SLC19A1: variants seen among roughly 807,000 people sequenced by gnomAD.
The protein encoded by SLC19A1 is reduced folate transporter.
Under a neutral mutation model 35.3 loss-of-function variants are expected in SLC19A1, and 37 were observed. The ratio of observed to expected loss-of-function variants is 1.05; its 90% CI spans 0.81 to 1.38. The LOEUF is 1.38. Among genes scored for constraint, SLC19A1 ranks in the 40% most tolerant of loss-of-function variants. SLC19A1 has a pLI of 0.00. For missense variants in SLC19A1, 831 were observed against 826.9 expected, an observed-to-expected ratio of 1.00 and a Z score of -0.06; for synonymous variants, 460 against 398.5, an observed-to-expected ratio of 1.15 and a Z score of -1.84.
chr21:45,530,490 G>C lies in SLC19A1; in HGVS notation c.1151+280C>G, dbSNP rs761451937. 6.6e-6 allele frequency among the ~76,000 whole-genome samples: 1 copy of C among 152,142 alleles called. No individual in the cohort carries two copies. Among genetic ancestry groups the C allele is most frequent in the East Asian group, 1.9e-4 (1 of 5,198 alleles). ...TGCCTGGATGGGGTCTCAGCAGCCC[G>C]GGGCCTAGAGGGTGGGGTTGGGAGC... On this transcript the variant is annotated intron_variant, in intron 4 of 5. Coordinates refer to ENST00000311124, the MANE Select transcript of SLC19A1 (RefSeq NM_194255.4). This position sits in a 1 kb window ranked among gnomAD's most constrained non-coding sequence, Gnocchi z 5.3.
At position 45,530,682 on chromosome 21, in the gene SLC19A1, G is replaced by A. The variant is rs545108110; in HGVS notation, c.1151+88C>T. 1.2e-4 allele frequency: 158 copies of A among 1,356,142 alleles called. No individual in the cohort carries two copies. In the African/African-American group the frequency reaches 1.8e-3, roughly 15 times the overall value. The allele number at this position is 1,356,142 out of a possible 1,614,324, so 84.0% of individuals were successfully genotyped here. Reference sequence around the variant, plus strand: ...CCAGCAGTGGCACAGCCGCTGGGGCGCAGCAGGAAGGTGGGAGCACCCAGC... The same window carrying A: ...CCAGCAGTGGCACAGCCGCTGGGGCACAGCAGGAAGGTGGGAGCACCCAGC... On this transcript the variant is annotated intron_variant, in intron 4 of 5. Coordinates refer to ENST00000311124, the MANE Select transcript of SLC19A1 (RefSeq NM_194255.4). This position sits in a 1 kb window ranked among gnomAD's most constrained non-coding sequence, Gnocchi z 5.3.
Position 45,530,242 on chromosome 21 carries a change from T to C in SLC19A1, c.1151+528A>G, listed in dbSNP as rs1207999583. Among the ~76,000 whole-genome samples, 2 of 149,200 alleles carry C rather than the reference T, an allele frequency of 1.3e-5. No individual in the cohort carries two copies. The highest frequency in any genetic ancestry group is 2.9e-5 in the Non-Finnish European group (2 of 67,822). On this transcript the variant is annotated intron_variant, in intron 4 of 5. Transcript: ENST00000311124. The surrounding 1 kb of genome is among the most constrained non-coding windows in gnomAD (Gnocchi z 5.3). ...ACATGGTGTGTGTCCGTGTGTGTGG[T>C]GTGTTCATGTGCGATATATCCATGT...
At chr21:45,537,567 C>T (rs1361688828) in intron 2 of SLC19A1, among the ~76,000 whole-genome samples, 1 of 75,874 alleles carries the variant, frequency 1.3e-5, no homozygotes, top group Non-Finnish European at 3.1e-5. Context: ...CCCCGGCACC[C>T]ACGTGCCTAT....
chr21:45,556,234 C>T (rs2078560578), intron 1 of SLC19A1, among the ~76,000 whole-genome samples: 1 of 152,242 alleles, frequency 6.6e-6, no homozygotes, highest in South Asian at 2.1e-4. Flanking sequence ...CCGGGGAGAC[C>T]TGAGACTCCT....
At position 45,514,810 on chromosome 21, in the gene SLC19A1, T is replaced by C; in HGVS notation, c.*848A>G. 3.6e-6 allele frequency: 2 copies of C among 553,604 alleles called. No homozygotes were observed. Among genetic ancestry groups the C allele is most frequent in the Non-Finnish European group, 6.2e-6 (2 of 321,408 alleles). The allele number at this position is 553,604 out of a possible 1,614,324, so 34.3% of individuals were successfully genotyped here. ...CAAGGCACTAGCGCTCCTTAGACCC[T>C]GAGGCCGCTGGGACGTACTTCCCCA... On this transcript the variant is annotated 3_prime_UTR_variant, in exon 6 of 6. Coordinates refer to ENST00000311124, the MANE Select transcript of SLC19A1 (RefSeq NM_194255.4).
At chr21:45,525,656 C>T (rs956252803) in intron 5 of SLC19A1, among the ~76,000 whole-genome samples, 161 bp downstream of exon 5, 2 of 152,250 alleles carry the variant, frequency 1.3e-5, no homozygotes, top group Non-Finnish European at 2.9e-5. Context: ...TCTCTCACTT[C>T]CTGCTCTCGC....
chr21:45,542,696 C>T (rs2078351361), upstream of SLC19A1, among the ~76,000 whole-genome samples: 1 of 150,208 alleles, frequency 6.7e-6, no homozygotes, highest in Non-Finnish European at 1.5e-5. Context: ...CCCCTCGGGC[C>T]CCCACCCCCG....
At chr21:45,527,977 C>T (rs1394065504) in intron 4 of SLC19A1, among the ~76,000 whole-genome samples, 1 of 150,760 alleles carries the variant, frequency 6.6e-6, no homozygotes, top group African/African-American at 2.4e-5. Flanking sequence ...CAAAAAATGT[C>T]CTAAAGTTCA....
At chr21:45,512,462 A>G, downstream of SLC19A1, 1 of 1,525,230 alleles carries the variant, frequency 6.6e-7, no homozygotes, top group Non-Finnish European at 8.9e-7. Flanking sequence ...CACCGTGGGC[A>G]GGGAGCGGCC....
chr21:45,541,231 A>G (rs2037169903), intron 1 of SLC19A1, among the ~76,000 whole-genome samples: 1 of 152,234 alleles, frequency 6.6e-6, no homozygotes, highest in Non-Finnish European at 1.5e-5. Flanking sequence ...AAAGAAAGCA[A>G]TTAGCAATTG....
chr21:45,519,540 T>C (rs2077374463), intron 5 of SLC19A1, among the ~76,000 whole-genome samples: 1 of 111,936 alleles, frequency 8.9e-6, no homozygotes, highest in African/African-American at 3.7e-5. Flanking sequence ...GGGGTGGCTA[T>C]ATTAACATCA....
chr21:45,537,054 T>C (rs1160536314), intron 2 of SLC19A1, among the ~76,000 whole-genome samples: 1 of 152,120 alleles, frequency 6.6e-6, no homozygotes, highest in Non-Finnish European at 1.5e-5. Flanking sequence ...AAAATGAAAA[T>C]TCCTTCAATA....
chr21:45,521,416 C>T (rs1353349383), intron 5 of SLC19A1, among the ~76,000 whole-genome samples: 1 of 152,142 alleles, frequency 6.6e-6, no homozygotes, highest in Non-Finnish European at 1.5e-5. Flanking sequence ...GATTGGAAAA[C>T]AACACAGTAA....
chr21:45,506,050 C>A (rs2037185241), intron 3 of SLC19A1: 2 of 1,600,198 alleles, frequency 1.2e-6, no homozygotes, highest in Admixed American at 1.7e-5. Context: ...GAGGCTCAGG[C>A]CCCGGACAGG....
chr21:45,540,066 G>A lies in SLC19A1; in HGVS notation c.-49-2058C>T, dbSNP rs1171997170. On this transcript the variant is annotated intron_variant, in intron 1 of 5. Transcript: ENST00000311124. The surrounding 1 kb of genome is among the most constrained non-coding windows in gnomAD (Gnocchi z 5.5). Reference sequence around the variant, plus strand: ...CGCCTGCCTCGGCCTCACCTTCCATGCCTCCTCAGGGCCTGTCAACAGCTG... The same window carrying A: ...CGCCTGCCTCGGCCTCACCTTCCATACCTCCTCAGGGCCTGTCAACAGCTG... Among the ~76,000 whole-genome samples, 5 of 152,130 alleles carry A rather than the reference G, an allele frequency of 3.3e-5. No individual in the cohort carries two copies. The highest frequency in any genetic ancestry group is 7.4e-5 in the Non-Finnish European group (5 of 68,014).
In SLC19A1 at chr21:45,531,688, C is replaced by T. The variant is rs762128319; in HGVS notation, c.650G>A (p.Arg217Gln). Reference sequence around the variant, plus strand: ...CGAAGCCGAGGTTTCGCACCGCCCCCGGTCGTCGCGGTTGAAGAAGAGGCT... The same window carrying T: ...CGAAGCCGAGGTTTCGCACCGCCCCTGGTCGTCGCGGTTGAAGAAGAGGCT... ...KRSLFFNRDD[R>Q]GRCETSASEL... Residue 217 changes from arginine to glutamine, a missense_variant, in exon 3 of 6, where the codon CGG becomes CAG. Coordinates refer to ENST00000311124, the MANE Select transcript of SLC19A1 (RefSeq NM_194255.4). 11 of 1,612,374 alleles carry T rather than the reference C, an allele frequency of 6.8e-6. No individual in the cohort carries two copies. Among genetic ancestry groups the T allele is most frequent in the East Asian group, 6.7e-5 (3 of 44,876 alleles).
At chr21:45,510,528 C>T (rs9983151), downstream of SLC19A1, among the ~76,000 whole-genome samples, 3,082 of 152,224 alleles carry the variant, frequency 0.02, 62 homozygotes, top group African/African-American at 0.054. Context: ...GCTCCCCCGG[C>T]AGTGCCCCTC....
Position 45,531,910 on chromosome 21 carries a change from A to T in SLC19A1, c.428T>A (p.Leu143His). 6.3e-7 allele frequency: 1 copy of T among 1,594,466 alleles called. No homozygotes were observed. The highest frequency in any genetic ancestry group is 8.5e-7 in the Non-Finnish European group (1 of 1,171,260). ...ACGCTGGTAGCGCGCGGGCCGCACG[A>T]GAGAGAAGATGTAGGAGGAATAGGC... ...RIAYSSYIFS[L>H]VRPARYQRVA... The change falls in exon 3 of 6, where the codon CTC becomes CAC. Residue 143 changes from leucine to histidine, a missense_variant. By Grantham distance (99) the Leu-to-His change is moderately conservative. Coordinates refer to ENST00000311124, the MANE Select transcript of SLC19A1 (RefSeq NM_194255.4).
Position 45,532,023 on chromosome 21 carries a change from C to G in SLC19A1, c.315G>C (p.Ser105=), listed in dbSNP as rs1422320434. The change falls in exon 3 of 6, where the codon TCG becomes TCC. Residue 105 remains serine, a synonymous_variant. Coordinates refer to ENST00000311124, the MANE Select transcript of SLC19A1 (RefSeq NM_194255.4). The part of the protein sequence containing the change: ...VLLLQGLSFV[S]VWLLLLLGHS... ...GGCCCAGCAGCAGCAGCAGCCACACCGACACGAAGCTGAGCCCCTGCAGCA... is the reference window on the plus strand; with the variant it reads ...GGCCCAGCAGCAGCAGCAGCCACACGGACACGAAGCTGAGCCCCTGCAGCA... 2 of 1,611,598 alleles carry G rather than the reference C, an allele frequency of 1.2e-6. No homozygotes were observed. The highest frequency in any genetic ancestry group is 2.2e-5 in the South Asian group (2 of 91,076).
Sources: allele counts gnomAD v4.1 joint callset (sites outside exome capture counted in the v4.1 genomes callset), GRCh38; gene constraint gnomAD v4.1.1; non-coding constraint Gnocchi (gnomAD v3.1); transcripts MANE v1.5; gene names NCBI Gene and HGNC (gene_info 2026-07-23, HGNC 2026-07-21).